The following ZC3HAV1 variants were observed in gnomAD, a reference collection of about 807,000 sequenced individuals.
ZC3HAV1 encodes the protein zinc finger CCCH-type containing, antiviral 1, also known as zinc finger CCCH-type antiviral protein 1.
In ZC3HAV1, 41 loss-of-function variants were observed where a neutral mutation model predicts 86.6. The observed-to-expected ratio is 0.47, with a 90% CI of 0.37 to 0.61. The LOEUF (loss-of-function observed/expected upper bound fraction) is 0.61, where lower values mean the gene tolerates loss of function less well. ZC3HAV1 is among the 20% of genes least tolerant of loss of function. The pLI is 0.00. For missense variants in ZC3HAV1, 964 were observed against 1,141.1 expected (o/e 0.84, Z 2.24); for synonymous variants, 421 against 432.1 (o/e 0.97, Z 0.32).
In ZC3HAV1 at chr7:139,109,504, T is replaced by C; in HGVS notation, c.-173A>G. ...GTTAGCCCAGCCCAGCGATCCACTC[T>C]CGGCTCTCAGGTCAAGAGGCTAGAT... On this transcript the variant is annotated 5_prime_UTR_variant, in exon 1 of 13. Coordinates refer to ENST00000242351, the MANE Select transcript of ZC3HAV1 (RefSeq NM_020119.4). The C allele has an allele frequency of 1.2e-6, 1 of 813,224 alleles. No individual in the cohort carries two copies. The highest frequency in any genetic ancestry group is 1.9e-6 in the Non-Finnish European group (1 of 539,216). 50.4% of individuals were successfully genotyped at this position (813,224 alleles called of 1,614,324 possible).
intron 10 of ZC3HAV1, 100 bp from the exon 11 acceptor site, chr7:139,054,195 G>C (rs1816217659): frequency 2.4e-6 from 3 of 1,241,076 alleles, no homozygotes; most frequent in South Asian, 1.8e-5. Context: ...TTGTTACCAG[G>C]GTTCTTTCTA....
In ZC3HAV1 at chr7:139,078,543, G is replaced by A; in HGVS notation, c.1573+9C>T. 2.5e-6 allele frequency: 4 copies of A among 1,589,848 alleles called. No homozygotes were observed. The highest frequency in any genetic ancestry group is 2.3e-5 in the East Asian group (1 of 44,160). ...TGGAAGCTTACAGAAAAGTCCTTAG[G>A]TTACTCACCATTAAGCGGACAACCC... On this transcript the variant is annotated intron_variant, in intron 5 of 12. Transcript: ENST00000242351.
At chr7:139,049,302 A>C (rs1477200798) in intron 12 of ZC3HAV1, among the ~76,000 whole-genome samples, 2 of 151,862 alleles carry the variant, frequency 1.3e-5, no homozygotes, top group African/African-American at 4.8e-5. Context: ...GCAACAGCTC[A>C]TTGTGGTTTT....
At chr7:139,075,030 A>G (rs1378725516) in intron 6 of ZC3HAV1, among the ~76,000 whole-genome samples, 7 of 152,150 alleles carry the variant, frequency 4.6e-5, no homozygotes. Flanking sequence ...TGGGTATTTT[A>G]CAACATCTGA....
chr7:139,107,416 T>C (rs1817968358), intron 1 of ZC3HAV1, among the ~76,000 whole-genome samples: 1 of 152,272 alleles, frequency 6.6e-6, no homozygotes, highest in South Asian at 2.1e-4. Context: ...TTGCGTCCTC[T>C]ACCTCATCCA....
intron 1 of ZC3HAV1, among the ~76,000 whole-genome samples, chr7:139,100,575 C>G (rs1817723071): frequency 1.3e-5 from 2 of 151,972 alleles, no homozygotes; most frequent in Admixed American, 1.3e-4. Flanking sequence ...CAAAAAAAAC[C>G]ACAGTGATAC....
At chr7:139,097,813 T>A (rs1817652257) in intron 1 of ZC3HAV1, among the ~76,000 whole-genome samples, 2 of 151,282 alleles carry the variant, frequency 1.3e-5, no homozygotes, top group Non-Finnish European at 2.9e-5. Flanking sequence ...GCTGGAGGAG[T>A]GGGGGGACTC....
rs1818045635 is a variant in ZC3HAV1 at position 139,109,479 on chromosome 7, G to A, written c.-148C>T. The stretch of plus-strand genomic sequence containing the variant: ...CAGCGAGGGCGCGCTCTCCGTCGCC[G>A]TTAGCCCAGCCCAGCGATCCACTCT... On this transcript the variant is annotated 5_prime_UTR_variant, in exon 1 of 13. In the 5' UTR this introduces an upstream ATG that the reference lacks. Coordinates refer to ENST00000242351, the MANE Select transcript of ZC3HAV1 (RefSeq NM_020119.4). 2 of 1,000,480 alleles carry A rather than the reference G, an allele frequency of 2.0e-6. No homozygotes were observed. The highest frequency in any genetic ancestry group is 2.8e-6 in the Non-Finnish European group (2 of 708,258). 62.0% of individuals were successfully genotyped at this position (1,000,480 alleles called of 1,614,324 possible).
At chr7:139,057,122 G>C (rs112084417) in intron 9 of ZC3HAV1, among the ~76,000 whole-genome samples, 1 of 22,028 alleles carries the variant, frequency 4.5e-5, no homozygotes, top group Non-Finnish European at 8.4e-5. Context: ...GCCGAAGCAG[G>C]AGGATTGCTT....
At chr7:139,101,473 G>A in intron 1 of ZC3HAV1, among the ~76,000 whole-genome samples, 2 of 113,922 alleles carry the variant, frequency 1.8e-5, no homozygotes, top group African/African-American at 3.4e-5. Flanking sequence ...TGGGATGTGA[G>A]GAGCGCCTCA....
chr7:139,057,499 A>G (rs1816318956), intron 9 of ZC3HAV1, among the ~76,000 whole-genome samples: 1 of 148,348 alleles, frequency 6.7e-6, no homozygotes, highest in Non-Finnish European at 1.5e-5. Context: ...TTTGTACTTT[A>G]TGTTTGAAAT....
intron 1 of ZC3HAV1, among the ~76,000 whole-genome samples, chr7:139,097,529 G>A (rs1293426010): frequency 6.8e-6 from 1 of 147,938 alleles, no homozygotes; most frequent in African/African-American, 2.5e-5. Flanking sequence ...CCACCTCCTG[G>A]GTTCACGCCA....
In ZC3HAV1 at chr7:139,079,409, G is replaced by A. The variant is rs548077386; in HGVS notation, c.1471+61C>T. 6.8e-6 allele frequency: 11 copies of A among 1,612,970 alleles called. No individual in the cohort carries two copies. In the South Asian group the frequency reaches 1.1e-4, roughly 16 times the overall value. On this transcript the variant is annotated intron_variant, in intron 4 of 12. Transcript: ENST00000242351. Reference sequence around the variant, plus strand: ...AGTAGTTTTATCCACTACTTGACTAGAGCCATTTGGTATATCATGAACAAA... The same window carrying A: ...AGTAGTTTTATCCACTACTTGACTAAAGCCATTTGGTATATCATGAACAAA...
chr7:139,052,697 C>T (rs185328318), intron 12 of ZC3HAV1, among the ~76,000 whole-genome samples: 2 of 149,712 alleles, frequency 1.3e-5, no homozygotes, highest in Non-Finnish European at 3.0e-5. Flanking sequence ...CCAAGGTAGG[C>T]GGATTATTTG....
intron 7 of ZC3HAV1, among the ~76,000 whole-genome samples, chr7:139,067,097 T>C (rs565420303): frequency 1.3e-5 from 2 of 152,294 alleles, no homozygotes; most frequent in East Asian, 3.9e-4. Flanking sequence ...AAATGTTCTC[T>C]GCGCTGTCCT....
intron 7 of ZC3HAV1, among the ~76,000 whole-genome samples, chr7:139,070,218 A>C (rs1816727654): frequency 6.6e-6 from 1 of 152,202 alleles, no homozygotes. Flanking sequence ...TGTCACATTT[A>C]ATGAATACAA....
intron 1 of ZC3HAV1, among the ~76,000 whole-genome samples, chr7:139,098,918 T>G (rs1287940763): frequency 6.6e-6 from 1 of 152,176 alleles, no homozygotes; most frequent in Admixed American, 6.5e-5. Flanking sequence ...ATACCTGGTT[T>G]GGAAGTAAAT....
At chr7:139,067,006 C>T (rs1201055460) in intron 7 of ZC3HAV1, among the ~76,000 whole-genome samples, 1 of 152,208 alleles carries the variant, frequency 6.6e-6, no homozygotes, top group Non-Finnish European at 1.5e-5. Flanking sequence ...GCTGATGCTG[C>T]TGGTCTGTGG....
intron 9 of ZC3HAV1, among the ~76,000 whole-genome samples, chr7:139,057,564 A>G (rs1584840651): frequency 6.4e-5 from 1 of 15,734 alleles, no homozygotes; most frequent in Non-Finnish European, 1.0e-4. Context: ...TTTGAGACGG[A>G]GTCTCCCTCT....
Sources: gnomAD v4.1 joint callset for allele counts (sites outside exome capture counted in the v4.1 genomes callset) on GRCh38, gnomAD v4.1.1 for gene constraint, MANE v1.5 for transcripts, NCBI Gene and HGNC (gene_info 2026-07-23, HGNC 2026-07-21) for gene names.